Variants in AGAP1 observed in about 807,000 individuals in gnomAD.
AGAP1 encodes the protein ArfGAP with GTPase domain, ankyrin repeat and PH domain 1.
In AGAP1, 29 loss-of-function variants were observed where a neutral mutation model predicts 105.3. The ratio of observed to expected loss-of-function variants is 0.28; its 90% CI spans 0.21 to 0.38. AGAP1 has a LOEUF of 0.38. Ranked by LOEUF, AGAP1 falls within the 10% of genes least tolerant of loss-of-function variation. AGAP1 has a pLI of 1.00. For missense variants in AGAP1, 998 were observed against 1,165.1 expected (o/e 0.86, Z 2.09); for synonymous variants, 509 against 485.9 (o/e 1.05, Z -0.63).
chr2:235,729,648 G>A lies in AGAP1; in HGVS notation c.311-11315G>A, dbSNP rs1218031291. The stretch of plus-strand genomic sequence containing the variant: ...GGGGACAGAGGCCTGGAGACAACCT[G>A]CTGGCCTCCTTCCATTAAAGCCATT... On this transcript the variant is annotated intron_variant, in intron 3 of 17. Transcript: ENST00000304032. The surrounding 1 kb of genome is among the most constrained non-coding windows in gnomAD (Gnocchi z 5.0). Among the ~76,000 whole-genome samples, 13 of 152,118 alleles carry A rather than the reference G, an allele frequency of 8.5e-5. No individual in the cohort carries two copies. The highest frequency in any genetic ancestry group is 8.5e-4 in the Admixed American group (13 of 15,280).
intron 10 of AGAP1, among the ~76,000 whole-genome samples, chr2:235,902,535 A>G (rs1286219611): frequency 6.6e-6 from 1 of 152,226 alleles, no homozygotes; most frequent in Non-Finnish European, 1.5e-5. Context: ...AGTTTTCATC[A>G]TATAACATCA....
At chr2:235,711,639 C>T (rs1369391255) in intron 2 of AGAP1, among the ~76,000 whole-genome samples, 1 of 152,182 alleles carries the variant, frequency 6.6e-6, no homozygotes, top group Non-Finnish European at 1.5e-5. Context: ...CCCACCAGCT[C>T]TGCTCTAGCC....
chr2:235,821,025 G>A (rs1958758324), intron 9 of AGAP1, among the ~76,000 whole-genome samples: 1 of 152,170 alleles, frequency 6.6e-6, no homozygotes, highest in African/African-American at 2.4e-5. Flanking sequence ...GATTCACTTT[G>A]TCCCAGTGAT....
chr2:235,717,476 T>C (rs926131702), intron 2 of AGAP1, 81 bp from the exon 3 acceptor site: 2 of 1,197,038 alleles, frequency 1.7e-6, no homozygotes, highest in African/African-American at 3.2e-5. Context: ...AGGCCTCCTG[T>C]CTATTTTAGC....
In AGAP1 at chr2:236,131,526, C is replaced by CT. The variant is rs1296205621; in HGVS notation, c.*7407dup. ...TGTTTTCTATTACCTCATTCAGCAACTTTATGTTTCACAATGACTCAATGA... is the reference window on the plus strand; with the variant it reads ...TGTTTTCTATTACCTCATTCAGCAACTTTTATGTTTCACAATGACTCAATGA... On this transcript the variant is annotated 3_prime_UTR_variant, in exon 18 of 18. Coordinates refer to ENST00000304032, the MANE Select transcript of AGAP1 (RefSeq NM_001037131.3). This position sits in a 1 kb window ranked among gnomAD's most constrained non-coding sequence, Gnocchi z 5.9. The CT allele has an allele frequency of 6.6e-6, 1 of 152,072 alleles. No individual in the cohort carries two copies. Among genetic ancestry groups the CT allele is most frequent in the Non-Finnish European group, 1.5e-5 (1 of 68,010 alleles). 9.4% of individuals were successfully genotyped at this position (152,072 alleles called of 1,614,324 possible).
chr2:236,098,782 A>G (rs1038920238), intron 16 of AGAP1, among the ~76,000 whole-genome samples: 6 of 150,938 alleles, frequency 4.0e-5, no homozygotes, highest in African/African-American at 1.5e-4. Context: ...GCACCACCAT[A>G]CCCAGCTAAT....
Position 235,994,249 on chromosome 2 carries a change from C to T in AGAP1, c.1645+25626C>T, listed in dbSNP as rs946548106. ...CGTCTTAGAGTGCCTACATCCATTT[C>T]TGTTGAAACTGGTCATAGTTAGCAT... is the stretch of plus-strand genomic sequence containing the variant. On this transcript the variant is annotated intron_variant, in intron 13 of 17. Coordinates refer to ENST00000304032, the MANE Select transcript of AGAP1 (RefSeq NM_001037131.3). This position sits in a 1 kb window ranked among gnomAD's most constrained non-coding sequence, Gnocchi z 4.4. Among the ~76,000 whole-genome samples, 1 of 152,206 alleles carries T rather than the reference C, an allele frequency of 6.6e-6. No homozygotes were observed. The highest frequency in any genetic ancestry group is 2.4e-5 in the African/African-American group (1 of 41,450).
At chr2:236,106,797 T>G (rs2059507929) in intron 16 of AGAP1, among the ~76,000 whole-genome samples, 1 of 152,148 alleles carries the variant, frequency 6.6e-6, no homozygotes, top group Non-Finnish European at 1.5e-5. Flanking sequence ...AGGCAAGGTC[T>G]GGCTTCCTGA....
At chr2:236,021,092 G>C (rs2056866900) in intron 13 of AGAP1, among the ~76,000 whole-genome samples, 2 of 151,648 alleles carry the variant, frequency 1.3e-5, no homozygotes, top group South Asian at 4.2e-4. Context: ...CTTGAACCAG[G>C]GAGGCAGAGG....
chr2:235,723,523 C>T lies in AGAP1; in HGVS notation c.310+5879C>T, dbSNP rs1432879933. On this transcript the variant is annotated intron_variant, in intron 3 of 17. Coordinates refer to ENST00000304032, the MANE Select transcript of AGAP1 (RefSeq NM_001037131.3). This position sits in a 1 kb window ranked among gnomAD's most constrained non-coding sequence, Gnocchi z 6.2. ...TTCAGGTTGCAGAACTGAGTCATTG[C>T]TCTGAGACCCGTTCCCCAGGACAAC... Among the ~76,000 whole-genome samples the T allele has an allele frequency of 6.6e-6, 1 of 152,200 alleles. No homozygotes were observed. The highest frequency in any genetic ancestry group is 1.5e-5 in the Non-Finnish European group (1 of 68,038).
At chr2:235,498,271 C>T (rs1011361261) in intron 1 of AGAP1, among the ~76,000 whole-genome samples, 1 of 151,892 alleles carries the variant, frequency 6.6e-6, no homozygotes, top group African/African-American at 2.4e-5. Flanking sequence ...GTTTTTTTCC[C>T]CCAATTTTTG....
chr2:236,012,935 C>T lies in AGAP1; in HGVS notation c.1646-23626C>T, dbSNP rs982182181. ...CTAATTTTTGTATTTTTAGTAGAGACGGTGTTTTGCCATGTTGGCCAGGCT... is the reference window on the plus strand; with the variant it reads ...CTAATTTTTGTATTTTTAGTAGAGATGGTGTTTTGCCATGTTGGCCAGGCT... On this transcript the variant is annotated intron_variant, in intron 13 of 17. Transcript: ENST00000304032. The surrounding 1 kb of genome is among the most constrained non-coding windows in gnomAD (Gnocchi z 4.9). 6.6e-5 allele frequency among the ~76,000 whole-genome samples: 10 copies of T among 152,034 alleles called. No individual in the cohort carries two copies. Among genetic ancestry groups the T allele is most frequent in the Non-Finnish European group, 1.0e-4 (7 of 68,022 alleles).
In AGAP1 at chr2:235,865,414, C is replaced by T. The variant is rs1279090614; in HGVS notation, c.1051-17931C>T. Among the ~76,000 whole-genome samples the T allele has an allele frequency of 1.3e-5, 2 of 152,192 alleles. No homozygotes were observed. Among genetic ancestry groups the T allele is most frequent in the African/African-American group, 4.8e-5 (2 of 41,444 alleles). On this transcript the variant is annotated intron_variant, in intron 9 of 17. Coordinates refer to ENST00000304032, the MANE Select transcript of AGAP1 (RefSeq NM_001037131.3). This position sits in a 1 kb window ranked among gnomAD's most constrained non-coding sequence, Gnocchi z 6.2. ...ACAGTAACACGTGTGGCGCCGACCC[C>T]GCCGTGCGCAATCGGGGCTTTATAC... is the stretch of plus-strand genomic sequence containing the variant.
At chr2:235,707,303 C>T (rs1950581254) in intron 1 of AGAP1, among the ~76,000 whole-genome samples, 1 of 150,996 alleles carries the variant, frequency 6.6e-6, no homozygotes, top group Non-Finnish European at 1.5e-5. Context: ...CCCCGAAAGT[C>T]TCTGCCCTCT....
At chr2:235,518,098 C>G (rs1260376772) in intron 1 of AGAP1, among the ~76,000 whole-genome samples, 1 of 152,190 alleles carries the variant, frequency 6.6e-6, no homozygotes, top group African/African-American at 2.4e-5. Context: ...AACCTGAGAG[C>G]TGGAAATGCT....
Position 236,124,200 on chromosome 2 carries a change from G to A in AGAP1, c.*78G>A, listed in dbSNP as rs1239203826. 6 of 1,478,374 alleles carry A rather than the reference G, an allele frequency of 4.1e-6. No individual in the cohort carries two copies. Among genetic ancestry groups the A allele is most frequent in the South Asian group, 1.3e-5 (1 of 79,250 alleles). 91.6% of individuals were successfully genotyped at this position (1,478,374 alleles called of 1,614,324 possible). A position where few individuals can be genotyped will look rare whatever the true frequency, so the allele number is the denominator to read the frequency against. Reference sequence around the variant, plus strand: ...CATTCTCGCTCAGAAGTCGCAGCACGTGAGTCCCGTCGCATCCCCTCCCTC... The same window carrying A: ...CATTCTCGCTCAGAAGTCGCAGCACATGAGTCCCGTCGCATCCCCTCCCTC... On this transcript the variant is annotated 3_prime_UTR_variant, in exon 18 of 18. Coordinates refer to ENST00000304032, the MANE Select transcript of AGAP1 (RefSeq NM_001037131.3). The surrounding 1 kb of genome is among the most constrained non-coding windows in gnomAD (Gnocchi z 5.1).
chr2:235,910,725 C>T (rs1192144049), intron 11 of AGAP1, among the ~76,000 whole-genome samples: 4 of 152,180 alleles, frequency 2.6e-5, no homozygotes, highest in Non-Finnish European at 5.9e-5. Context: ...CAAGACCAGC[C>T]TGTCCAACAT....
chr2:235,939,490 G>A (rs1283880191), intron 12 of AGAP1, among the ~76,000 whole-genome samples: 2 of 151,734 alleles, frequency 1.3e-5, no homozygotes, highest in East Asian at 1.9e-4. Flanking sequence ...ATACCTGCTC[G>A]GCCATCGCTC....
At chr2:235,742,796 A>G (rs1172043310) in intron 4 of AGAP1, among the ~76,000 whole-genome samples, 1 of 152,234 alleles carries the variant, frequency 6.6e-6, no homozygotes, top group Non-Finnish European at 1.5e-5. Context: ...GAGTGACTGG[A>G]AACAAGCTTT....
Sources: allele counts gnomAD v4.1 joint callset (sites outside exome capture counted in the v4.1 genomes callset), GRCh38; gene constraint gnomAD v4.1.1; non-coding constraint Gnocchi (gnomAD v3.1); transcripts MANE v1.5; gene names NCBI Gene and HGNC (gene_info 2026-07-23, HGNC 2026-07-21).